The following GNL3L variants were observed in gnomAD, a reference collection of about 807,000 sequenced individuals.
GNL3L encodes the protein G protein nucleolar 3 like.
Under a neutral mutation model 42.9 loss-of-function variants are expected in GNL3L, and 4 were observed. The observed-to-expected ratio is 0.09, with a 90% CI of 0.05 to 0.21. The LOEUF is 0.21. Ranked by LOEUF, GNL3L falls within the 10% of genes least tolerant of loss-of-function variation. The probability of loss-of-function intolerance (pLI) is 1.00; values close to 1 mark genes in which losing one functional copy is unlikely to be tolerated. For missense variants in GNL3L, 412 were observed against 481.7 expected, an observed-to-expected ratio of 0.86 and a Z score of 1.36; for synonymous variants, 159 against 176.3, an observed-to-expected ratio of 0.90 and a Z score of 0.78.
intron 13 of GNL3L, among the ~76,000 whole-genome samples, chrX:54,553,518 G>A (rs951966469): frequency 2.7e-5 from 3 of 112,022 alleles, no homozygotes; most frequent in African/African-American, 9.7e-5. Flanking sequence ...GAGCAAGTCA[G>A]CCCCCTTTCT....
downstream of GNL3L, among the ~76,000 whole-genome samples, chrX:54,569,313 A>T (rs1005810193): frequency 2.7e-5 from 3 of 111,711 alleles, no homozygotes; most frequent in African/African-American, 9.7e-5. Context: ...TTTAGAGTTT[A>T]CCAGTAAGTT....
intron 16 of GNL3L, among the ~76,000 whole-genome samples, chrX:54,595,546 T>C (rs947631586): frequency 9.0e-6 from 1 of 111,714 alleles, no homozygotes; most frequent in Admixed American, 9.5e-5. Context: ...TGGCGTTCTA[T>C]TCCCTTCTAG....
intron 16 of GNL3L, among the ~76,000 whole-genome samples, chrX:54,591,205 A>G (rs142662516): frequency 0.017 from 1,878 of 110,660 alleles, 28 homozygotes; most frequent in African/African-American, 0.059. Flanking sequence ...GCCCAGTTTC[A>G]TTCTTCTTCA....
At chrX:54,560,126 C>T (rs1056971514) in intron 15 of GNL3L, among the ~76,000 whole-genome samples, 3 of 110,706 alleles carry the variant, frequency 2.7e-5, no homozygotes, top group African/African-American at 9.9e-5. Context: ...GGGAGGTGTG[C>T]GTGGTGAACG....
intron 1 of GNL3L, among the ~76,000 whole-genome samples, chrX:54,530,689 G>C (rs1000645717): frequency 8.9e-6 from 1 of 111,829 alleles, no homozygotes; most frequent in African/African-American, 3.3e-5. Flanking sequence ...CCCACCAAAG[G>C]CATGGGGGAC....
rs1273171503 is a variant in GNL3L at position 54,565,030 on chromosome X, C to T, written c.*4428C>T. Among the ~76,000 whole-genome samples, 1 of 110,833 alleles carries T rather than the reference C, an allele frequency of 9.0e-6. No individual in the cohort carries two copies. Among genetic ancestry groups the T allele is most frequent in the Non-Finnish European group, 1.9e-5 (1 of 52,987 alleles). On this transcript the variant is annotated 3_prime_UTR_variant, in exon 16 of 16. Coordinates refer to ENST00000360845, the MANE Select transcript of GNL3L (RefSeq NM_001184819.2). Reference sequence around the variant, plus strand: ...GATTATAGGCATGAACCACCGTGTCCGGCCATATATTTTCGTCTTTTGAAG... The same window carrying T: ...GATTATAGGCATGAACCACCGTGTCTGGCCATATATTTTCGTCTTTTGAAG...
At chrX:54,584,326 C>T (rs1002324318) in intron 16 of GNL3L, among the ~76,000 whole-genome samples, 3 of 110,310 alleles carry the variant, frequency 2.7e-5, no homozygotes, top group Non-Finnish European at 5.7e-5. Flanking sequence ...GCACTGCTCC[C>T]GGCCATATTT....
In GNL3L at chrX:54,590,756, G is replaced by GATTT. The variant is rs1244221353; in HGVS notation, c.*46-30086_*46-30083dup. ...AGTAGTTTCATAGTTTGAGGTCTTA[G>GATTT]ATTTATGTATTTATTTATTTATTTA... On this transcript the variant is annotated intron_variant, in intron 16 of 16. Coordinates refer to the GNL3L transcript ENST00000674498. 4.3e-3 allele frequency among the ~76,000 whole-genome samples: 478 copies of GATTT among 111,058 alleles called. 5 individuals carry two copies. The highest frequency in any genetic ancestry group is 0.015 in the African/African-American group (442 of 30,412).
At chrX:54,577,328 A>T (rs1925650527) in intron 16 of GNL3L, among the ~76,000 whole-genome samples, 1 of 111,975 alleles carries the variant, frequency 8.9e-6, no homozygotes, top group African/African-American at 3.2e-5. Flanking sequence ...AAACTTGCAT[A>T]TATTCAAGGT....
chrX:54,641,880 A>G, the GNL3L span, among the ~76,000 whole-genome samples: 927 of 111,914 alleles, frequency 8.3e-3, 5 homozygotes, highest in South Asian at 0.017. Context: ...CTGGGGGAGC[A>G]GTTCAAGGTG....
At chrX:54,608,504 C>A (rs1926126130) in intron 16 of GNL3L, among the ~76,000 whole-genome samples, 1 of 106,730 alleles carries the variant, frequency 9.4e-6, no homozygotes, top group Non-Finnish European at 1.9e-5. Flanking sequence ...CCCTTGCCCC[C>A]CTCCTACTCT....
chrX:54,550,905 T>A (rs1924918290), intron 9 of GNL3L, 58 bp from the exon 10 acceptor site: 2 of 660,472 alleles, frequency 3.0e-6, no homozygotes, highest in Non-Finnish European at 5.0e-6. Context: ...TCACACAGGC[T>A]GGCCTGAGTG....
Position 54,563,222 on chromosome X carries a change from A to G in GNL3L, c.*2620A>G, listed in dbSNP as rs913959629. Among the ~76,000 whole-genome samples, 1 of 111,404 alleles carries G rather than the reference A, an allele frequency of 9.0e-6. No individual in the cohort carries two copies. Among genetic ancestry groups the G allele is most frequent in the Non-Finnish European group, 1.9e-5 (1 of 53,174 alleles). On this transcript the variant is annotated 3_prime_UTR_variant, in exon 16 of 16. Coordinates refer to ENST00000360845, the MANE Select transcript of GNL3L (RefSeq NM_001184819.2). ...ATAATTTAGCATTTAAAATACAGAC[A>G]GTCCCCGACTTTTGGTGGTTTGATG...
chrX:54,625,796 A>G (rs1190428332), downstream of GNL3L, among the ~76,000 whole-genome samples: 1 of 111,505 alleles, frequency 9.0e-6, no homozygotes, highest in East Asian at 2.8e-4. Context: ...AAAATTTTAA[A>G]CCACTGTATC....
chrX:54,611,523 A>G (rs994230171), intron 16 of GNL3L, among the ~76,000 whole-genome samples: 3 of 111,689 alleles, frequency 2.7e-5, no homozygotes, highest in Non-Finnish European at 3.8e-5. Context: ...CCTTTGCTGT[A>G]TCCCCAAGGT....
chrX:54,634,266 T>C, the GNL3L span, among the ~76,000 whole-genome samples: 645 of 112,244 alleles, frequency 5.7e-3, 6 homozygotes, highest in African/African-American at 0.02. Context: ...TATGGTGTCC[T>C]ATGGGTCCCT....
At chrX:54,537,514 CTCA>C (rs1416383701) in intron 2 of GNL3L, among the ~76,000 whole-genome samples, 2 of 112,025 alleles carry the variant, frequency 1.8e-5, no homozygotes, top group Non-Finnish European at 3.8e-5. Context: ...TATATTTTTG[CTCA>C]TCATTTCAAT....
chrX:54,615,790 T>C (rs1328598785), intron 16 of GNL3L, among the ~76,000 whole-genome samples: 1 of 108,778 alleles, frequency 9.2e-6, no homozygotes, highest in Admixed American at 9.8e-5. Flanking sequence ...CTGCAATCTC[T>C]GCCTCCCGGG....
rs996947453 is a variant in GNL3L at position 54,554,576 on chromosome X, G to A, written c.1330G>A (p.Gly444Arg). Residue 444 changes from glycine (G) to arginine (R), a missense_variant, in exon 14 of 16, where the codon GGA becomes AGA. Physicochemically the swap from Gly to Arg is moderately radical, Grantham distance 125 (BLOSUM62 -2). Coordinates refer to ENST00000360845, the MANE Select transcript of GNL3L (RefSeq NM_001184819.2). ...NEDTMECLAT[G>R]ESDELLGDTD... ...TGGTTGTGTTAAAGGCTTGGCCACCGGAGAATCTGATGAGCTGTTGGGTGA... is the reference window on the plus strand; with the variant it reads ...TGGTTGTGTTAAAGGCTTGGCCACCAGAGAATCTGATGAGCTGTTGGGTGA... The A allele has an allele frequency of 9.1e-6, 11 of 1,205,650 alleles. No homozygotes were observed. In the African/African-American group the frequency reaches 1.2e-4, roughly 13 times the overall value.
Sources: allele counts gnomAD v4.1 joint callset (sites outside exome capture counted in the v4.1 genomes callset), GRCh38; gene constraint gnomAD v4.1.1; transcripts MANE v1.5; gene names NCBI Gene and HGNC (gene_info 2026-07-23, HGNC 2026-07-21).